The following NLGN1 variants were observed in gnomAD, a reference collection of about 807,000 sequenced individuals.
NLGN1 encodes the protein neuroligin-1.
A neutral mutation model predicts 65.5 loss-of-function variants in NLGN1; 12 were observed. The observed-to-expected ratio is 0.18, with a 90% CI of 0.12 to 0.30. The LOEUF (loss-of-function observed/expected upper bound fraction) is 0.30. Ranked by LOEUF, NLGN1 falls within the 10% of genes least tolerant of loss-of-function variation. NLGN1 has a pLI of 1.00. For synonymous variants in NLGN1, 350 were observed against 359.5 expected (o/e 0.97, Z 0.30); for missense variants, 750 against 1,007.1 (o/e 0.74, Z 3.46).
chr3:173,441,008 C>G (rs1253472983), intron 2 of NLGN1, among the ~76,000 whole-genome samples: 1 of 152,202 alleles, frequency 6.6e-6, no homozygotes. Context: ...GGTGCAGCTT[C>G]TACACCAGGA....
intron 3 of NLGN1, among the ~76,000 whole-genome samples, chr3:173,663,602 C>A (rs1221118695): frequency 6.6e-6 from 1 of 151,904 alleles, no homozygotes; most frequent in East Asian, 1.9e-4. Context: ...ACAAGAGAAG[C>A]TCCTAAAGAT....
chr3:174,276,843 A>T (rs975579172), intron 5 of NLGN1, among the ~76,000 whole-genome samples: 3 of 151,862 alleles, frequency 2.0e-5, no homozygotes, highest in Admixed American at 2.0e-4. Flanking sequence ...CTTTAATTAA[A>T]CAGATTAGAT....
At chr3:173,523,175 T>C (rs1381624251) in intron 2 of NLGN1, among the ~76,000 whole-genome samples, 1 of 151,644 alleles carries the variant, frequency 6.6e-6, no homozygotes. Context: ...AAATGCATAA[T>C]ATAAAAATAT....
At chr3:173,540,425 A>G (rs934497983) in intron 2 of NLGN1, among the ~76,000 whole-genome samples, 7 of 152,190 alleles carry the variant, frequency 4.6e-5, no homozygotes, top group South Asian at 4.1e-4. Flanking sequence ...TCCAAAATCC[A>G]AAGAGGCCCA....
At chr3:174,190,839 C>T (rs1732260414) in intron 4 of NLGN1, among the ~76,000 whole-genome samples, 1 of 151,960 alleles carries the variant, frequency 6.6e-6, no homozygotes. Context: ...ATGGTGTTAT[C>T]AAGGAACATC....
At chr3:173,540,511 G>C (rs1738674024) in intron 2 of NLGN1, among the ~76,000 whole-genome samples, 2 of 152,196 alleles carry the variant, frequency 1.3e-5, no homozygotes, top group Admixed American at 1.3e-4. Flanking sequence ...AGAAGGTTGT[G>C]CATTATGCAT....
chr3:173,723,891 C>G (rs1364911766), intron 3 of NLGN1, among the ~76,000 whole-genome samples: 2 of 152,088 alleles, frequency 1.3e-5, no homozygotes, highest in East Asian at 3.9e-4. Flanking sequence ...AGAACAGTAT[C>G]TTAAGAGGTG....
At chr3:174,211,246 T>C (rs879016609) in intron 4 of NLGN1, among the ~76,000 whole-genome samples, 1 of 152,214 alleles carries the variant, frequency 6.6e-6, no homozygotes. Flanking sequence ...ATGCTGGCTC[T>C]GGCAGCCTGC....
intron 4 of NLGN1, among the ~76,000 whole-genome samples, chr3:174,109,598 T>C (rs1714737343): frequency 6.6e-6 from 1 of 152,090 alleles, no homozygotes; most frequent in African/African-American, 2.4e-5. Flanking sequence ...TATCTGACCT[T>C]ATAACTCCAT....
chr3:173,635,862 T>G (rs947950288), intron 3 of NLGN1, among the ~76,000 whole-genome samples: 6 of 152,116 alleles, frequency 3.9e-5, no homozygotes, highest in Admixed American at 3.3e-4. Flanking sequence ...TTCAGTAAAA[T>G]GAGACTCACA....
At chr3:174,154,990 T>TATAATATATAATATAATATATA (rs201188952) in intron 4 of NLGN1, among the ~76,000 whole-genome samples, 8 of 99,746 alleles carry the variant, frequency 8.0e-5, no homozygotes, top group African/African-American at 4.0e-4. Flanking sequence ...TTATATTATA[T>TATAATATATAATATAATATATA]ATTATATATA....
At chr3:174,265,324 T>C (rs998315842) in intron 4 of NLGN1, among the ~76,000 whole-genome samples, 1 of 151,830 alleles carries the variant, frequency 6.6e-6, no homozygotes. Flanking sequence ...GTGCTAGCAA[T>C]CAGTGAGACT....
At chr3:173,896,664 C>G (rs1447151213) in intron 4 of NLGN1, among the ~76,000 whole-genome samples, 1 of 152,120 alleles carries the variant, frequency 6.6e-6, no homozygotes, top group Non-Finnish European at 1.5e-5. Context: ...CTTTTTCATT[C>G]TCTTCTCCAT....
Position 174,025,556 on chromosome 3 carries a change from A to G in NLGN1, c.646+217724A>G, listed in dbSNP as rs1000922319. Among the ~76,000 whole-genome samples the G allele has an allele frequency of 4.6e-5, 7 of 152,300 alleles. No homozygotes were observed. In the East Asian group the frequency reaches 9.6e-4, roughly 21 times the overall value. On this transcript the variant is annotated intron_variant, in intron 4 of 6. Transcript: ENST00000457714. ...TCCAAGAGAAAATGGACAAAGAATG[A>G]AATTAAGGATGCAGAAAGTTAAGCC...
chr3:174,145,715 G>A (rs1723099536), intron 4 of NLGN1, among the ~76,000 whole-genome samples: 1 of 152,240 alleles, frequency 6.6e-6, no homozygotes, highest in East Asian at 1.9e-4. Flanking sequence ...TGAAAGTCTA[G>A]GACATGGCTA....
chr3:173,785,909 A>T (rs1269642725), intron 3 of NLGN1, among the ~76,000 whole-genome samples: 3 of 152,196 alleles, frequency 2.0e-5, no homozygotes, highest in Non-Finnish European at 4.4e-5. Context: ...GATAAATTTT[A>T]TACATATATG....
intron 4 of NLGN1, among the ~76,000 whole-genome samples, chr3:173,832,142 A>T (rs1029048782): frequency 2.2e-5 from 3 of 138,710 alleles, no homozygotes; most frequent in Admixed American, 1.4e-4. Flanking sequence ...AAAAAAAAAA[A>T]CTGTAGAGAC....
At chr3:174,123,439 T>G (rs1354129711) in intron 4 of NLGN1, among the ~76,000 whole-genome samples, 1 of 152,188 alleles carries the variant, frequency 6.6e-6, no homozygotes, top group Non-Finnish European at 1.5e-5. Context: ...TTGTTTACAA[T>G]TCTGCCTTGG....
At chr3:173,482,569 C>T (rs974959) in intron 2 of NLGN1, among the ~76,000 whole-genome samples, 72,168 of 151,658 alleles carry the variant, frequency 0.48, 19,623 homozygotes, top group East Asian at 0.83. Flanking sequence ...TAAAAATTTG[C>T]TAAATCCCTT....
Sources: allele counts gnomAD v4.1 joint callset (sites outside exome capture counted in the v4.1 genomes callset), GRCh38; gene constraint gnomAD v4.1.1; transcripts MANE v1.5; gene names NCBI Gene and HGNC (gene_info 2026-07-23, HGNC 2026-07-21).